The following RASGRP3 variants were observed in gnomAD, a reference collection of about 807,000 sequenced individuals.
RASGRP3 encodes the protein ras guanyl-releasing protein 3.
In RASGRP3, 54 loss-of-function variants were observed where a neutral mutation model predicts 82.7. That is an observed-to-expected ratio of 0.65 (90% confidence interval 0.52 to 0.82). The LOEUF is 0.82. Among genes scored for constraint, RASGRP3 ranks in the 40% least tolerant of loss-of-function variants. The pLI is 0.00. For synonymous variants in RASGRP3, 309 were observed against 300.5 expected (o/e 1.03, Z -0.29); for missense variants, 861 against 828.9 (o/e 1.04, Z -0.48).
intron 1 of RASGRP3, among the ~76,000 whole-genome samples, chr2:33,506,371 A>G (rs1026774680): frequency 5.3e-5 from 8 of 152,240 alleles, no homozygotes; most frequent in African/African-American, 1.9e-4. Context: ...AACTAGTAAC[A>G]TGATACTGGA....
At chr2:33,528,412 A>G (rs1381940044) in intron 10 of RASGRP3, among the ~76,000 whole-genome samples, 6 of 152,238 alleles carry the variant, frequency 3.9e-5, no homozygotes, top group African/African-American at 1.2e-4. Context: ...ATAGAAGAGA[A>G]CATTTCCCAC....
At chr2:33,443,575 A>G (rs199970117) in intron 1 of RASGRP3, among the ~76,000 whole-genome samples, 2 of 152,172 alleles carry the variant, frequency 1.3e-5, no homozygotes, top group East Asian at 3.9e-4. Context: ...TGCTCTTACT[A>G]TTTATTATGG....
At chr2:33,478,755 C>T (rs1049282409) in intron 1 of RASGRP3, among the ~76,000 whole-genome samples, 12 of 152,196 alleles carry the variant, frequency 7.9e-5, no homozygotes, top group Non-Finnish European at 8.8e-5. Flanking sequence ...GCAAATTTAT[C>T]GGAGTTACGG....
At chr2:33,555,494 C>T (rs1226800383) in intron 14 of RASGRP3, 37 bp from the exon 15 acceptor site, 10 of 1,560,846 alleles carry the variant, frequency 6.4e-6, no homozygotes, top group Middle Eastern at 1.7e-4. Flanking sequence ...CAGATCTATC[C>T]TCAGATTCCC....
At chr2:33,450,081 T>C (rs1308470471) in intron 2 of RASGRP3, among the ~76,000 whole-genome samples, 2 of 152,170 alleles carry the variant, frequency 1.3e-5, no homozygotes, top group African/African-American at 2.4e-5. Context: ...ACTTTTCTTA[T>C]CGTTATTTCC....
At chr2:33,528,855 G>A (rs1021109053) in intron 10 of RASGRP3, among the ~76,000 whole-genome samples, 2 of 152,190 alleles carry the variant, frequency 1.3e-5, no homozygotes, top group South Asian at 2.1e-4. Flanking sequence ...GGCAGGGAAC[G>A]CAACTCACAA....
chr2:33,454,771 T>C (rs1044621843), intron 2 of RASGRP3, among the ~76,000 whole-genome samples: 1 of 152,218 alleles, frequency 6.6e-6, no homozygotes, highest in African/African-American at 2.4e-5. Flanking sequence ...AACTGGAATA[T>C]TAACTGAAAA....
At chr2:33,497,558 A>G (rs1022694727) in intron 1 of RASGRP3, among the ~76,000 whole-genome samples, 1 of 152,188 alleles carries the variant, frequency 6.6e-6, no homozygotes, top group African/African-American at 2.4e-5. Context: ...CCTGACATGC[A>G]TTTATTTTCA....
chr2:33,519,173 C>T (rs1671756318), intron 4 of RASGRP3, among the ~76,000 whole-genome samples: 1 of 152,184 alleles, frequency 6.6e-6, no homozygotes, highest in Admixed American at 6.5e-5. Context: ...ATGCTGGCTA[C>T]CATGTCACCA....
chr2:33,500,297 G>A (rs1669743348), intron 1 of RASGRP3, among the ~76,000 whole-genome samples: 2 of 152,124 alleles, frequency 1.3e-5, no homozygotes, highest in African/African-American at 4.8e-5. Context: ...TTGGAGACAG[G>A]AGTTCCGCAA....
Position 33,539,074 on chromosome 2 carries a change from G to GTT in RASGRP3, c.1162-11_1162-10dup, listed in dbSNP as rs199866643. 726 of 1,288,326 alleles carry GTT rather than the reference G, an allele frequency of 5.6e-4. No individual in the cohort carries two copies. The highest frequency in any genetic ancestry group is 7.8e-4 in the Middle Eastern group (4 of 5,102). The allele number at this position is 1,288,326 out of a possible 1,614,324, so 79.8% of individuals were successfully genotyped here. ...TAATAATAAAGTTGAAAAATATGTG[G>GTT]TTTTTTTTTTGTTTATCAGCAGCCT... On this transcript the variant is annotated intron_variant, in intron 11 of 17. Transcript: ENST00000403687.
At chr2:33,543,145 TG>T (rs1197952693) in intron 12 of RASGRP3, among the ~76,000 whole-genome samples, 1 of 152,212 alleles carries the variant, frequency 6.6e-6, no homozygotes, top group African/African-American at 2.4e-5. Context: ...CACAAGTGGC[TG>T]GGACTATAGG....
chr2:33,496,672 A>G (rs945811355), intron 1 of RASGRP3, among the ~76,000 whole-genome samples: 3 of 152,354 alleles, frequency 2.0e-5, no homozygotes, highest in Admixed American at 6.5e-5. Context: ...CCTGGGCAAC[A>G]TAGTGAAATC....
intron 1 of RASGRP3, among the ~76,000 whole-genome samples, chr2:33,499,934 T>C (rs1379512393): frequency 6.6e-6 from 1 of 152,110 alleles, no homozygotes; most frequent in Non-Finnish European, 1.5e-5. Context: ...TCTTAAGCCA[T>C]TGGAGAGACC....
At chr2:33,541,908 T>C (rs1376994868) in intron 12 of RASGRP3, among the ~76,000 whole-genome samples, 2 of 147,334 alleles carry the variant, frequency 1.4e-5, no homozygotes, top group Non-Finnish European at 3.0e-5. Context: ...CATCTATTTA[T>C]CTTTGGTACT....
At chr2:33,442,193 A>G (rs1672095) in intron 1 of RASGRP3, among the ~76,000 whole-genome samples, 66,940 of 152,020 alleles carry the variant, frequency 0.44, 14,989 homozygotes, top group East Asian at 0.64. Flanking sequence ...GTGAAACTCC[A>G]TCTCTACTAA....
chr2:33,520,848 A>T (rs1671963438), intron 6 of RASGRP3, among the ~76,000 whole-genome samples, 164 bp downstream of exon 6: 1 of 152,182 alleles, frequency 6.6e-6, no homozygotes, highest in Non-Finnish European at 1.5e-5. Flanking sequence ...GACACAGCTC[A>T]TCTCTCCAAG....
At chr2:33,540,183 A>T (rs971344266) in intron 12 of RASGRP3, 1 of 151,000 alleles carries the variant, frequency 6.6e-6, no homozygotes, top group African/African-American at 2.4e-5. Context: ...AAGATATTTA[A>T]AGAAAAAGAA....
chr2:33,463,955 A>G (rs1196105626), intron 2 of RASGRP3, among the ~76,000 whole-genome samples: 1 of 151,704 alleles, frequency 6.6e-6, no homozygotes, highest in African/African-American at 2.4e-5. Flanking sequence ...GCTGTGCTCT[A>G]TTACACTTCA....
Sources: gnomAD v4.1 joint callset for allele counts (sites outside exome capture counted in the v4.1 genomes callset) on GRCh38, gnomAD v4.1.1 for gene constraint, MANE v1.5 for transcripts, NCBI Gene and HGNC (gene_info 2026-07-23, HGNC 2026-07-21) for gene names.